Variants in OPCML observed in about 807,000 individuals in gnomAD.
The protein encoded by OPCML is opioid-binding protein/cell adhesion molecule.
OPCML carries 13 observed loss-of-function variants against 37.8 expected under a neutral mutation model. That is an observed-to-expected ratio of 0.34 (90% confidence interval 0.22 to 0.55). The LOEUF (loss-of-function observed/expected upper bound fraction) is 0.55, where lower values mean the gene tolerates loss of function less well. Ranked by LOEUF, OPCML falls within the 20% of genes least tolerant of loss-of-function variation. OPCML has a pLI of 0.91. For synonymous variants in OPCML, 176 were observed against 168.8 expected, an observed-to-expected ratio of 1.04 and a Z score of -0.33; for missense variants, 341 against 435.6, an observed-to-expected ratio of 0.78 and a Z score of 1.93.
intron 3 of OPCML, among the ~76,000 whole-genome samples, chr11:132,634,772 T>C (rs1252566111): frequency 6.6e-6 from 1 of 152,132 alleles, no homozygotes; most frequent in Non-Finnish European, 1.5e-5. Context: ...GACCATAAGT[T>C]ATCACTTAGA....
At chr11:132,455,887 A>G (rs1038005450) in intron 4 of OPCML, among the ~76,000 whole-genome samples, 2 of 152,218 alleles carry the variant, frequency 1.3e-5, no homozygotes, top group Non-Finnish European at 2.9e-5. Flanking sequence ...ATCAGATGAC[A>G]TAACAGATGA....
chr11:133,373,244 A>G (rs940309104), intron 1 of OPCML, among the ~76,000 whole-genome samples: 1 of 151,606 alleles, frequency 6.6e-6, no homozygotes, highest in African/African-American at 2.4e-5. Flanking sequence ...AAAAAACTTT[A>G]ACAAAAGTTC....
chr11:132,652,596 A>G (rs1020614656), intron 3 of OPCML, among the ~76,000 whole-genome samples: 3 of 152,190 alleles, frequency 2.0e-5, no homozygotes, highest in East Asian at 3.9e-4. Flanking sequence ...TTGTAAATGG[A>G]GATAACGGTC....
At chr11:132,851,164 T>A (rs994356062) in intron 2 of OPCML, among the ~76,000 whole-genome samples, 3 of 152,260 alleles carry the variant, frequency 2.0e-5, no homozygotes, top group African/African-American at 7.2e-5. Context: ...TATTTTTATA[T>A]CCTATTATAC....
chr11:132,781,477 G>A (rs185654664), intron 2 of OPCML, among the ~76,000 whole-genome samples: 24 of 152,024 alleles, frequency 1.6e-4, no homozygotes, highest in African/African-American at 1.9e-4. Flanking sequence ...TGGGCTCTTC[G>A]GGGTCTGCAG....
rs146632807 is a variant in OPCML, at chr11:133,515,392, T to C, written c.61+16872A>G. Among the ~76,000 whole-genome samples, 28 of 152,332 alleles carry C rather than the reference T, an allele frequency of 1.8e-4. No individual in the cohort carries two copies. The East Asian group carries it at 2.9e-3, about 16-fold the overall frequency. ...GCTGTCACAGCTCAAAAGGTGCCAC[T>C]GGCATCTGGTGGCTGGAGGCCAGGG... On this transcript the variant is annotated intron_variant, in intron 1 of 7. Coordinates refer to ENST00000524381, the MANE Select transcript of OPCML (RefSeq NM_001012393.5).
chr11:133,113,142 C>G (rs985629), intron 1 of OPCML, among the ~76,000 whole-genome samples: 93,957 of 152,090 alleles, frequency 0.62, 29,834 homozygotes, highest in East Asian at 0.8. Context: ...TGCAAAAAAG[C>G]CATCCTTTAT....
intron 2 of OPCML, among the ~76,000 whole-genome samples, chr11:132,855,727 C>T (rs1942028589): frequency 6.6e-6 from 1 of 152,184 alleles, no homozygotes; most frequent in African/African-American, 2.4e-5. Flanking sequence ...TGAGGCAGAA[C>T]CACCAACCTA....
chr11:133,290,820 G>A (rs1394122059), intron 1 of OPCML, among the ~76,000 whole-genome samples: 3 of 152,240 alleles, frequency 2.0e-5, no homozygotes, highest in African/African-American at 7.2e-5. Flanking sequence ...AGAATGCCTT[G>A]TCTGGAATCT....
At chr11:133,384,309 A>T (rs1034415511) in intron 1 of OPCML, among the ~76,000 whole-genome samples, 1 of 151,000 alleles carries the variant, frequency 6.6e-6, no homozygotes, top group South Asian at 2.1e-4. Context: ...CCCAGGACTG[A>T]TTTATCACCT....
chr11:133,422,422 C>T (rs1225856014), intron 1 of OPCML: 1 of 945,948 alleles, frequency 1.1e-6, no homozygotes, highest in Non-Finnish European at 1.2e-6. Context: ...CAAACCCTTG[C>T]CCCACCTCTC....
intron 1 of OPCML, among the ~76,000 whole-genome samples, chr11:133,392,116 CT>C (rs1295779957): frequency 6.6e-6 from 1 of 152,154 alleles, no homozygotes. Context: ...TTAATGCTTA[CT>C]GAGTGTTTAC....
At chr11:132,576,597 T>C (rs1172362137) in intron 3 of OPCML, among the ~76,000 whole-genome samples, 2 of 152,182 alleles carry the variant, frequency 1.3e-5, no homozygotes, top group Non-Finnish European at 2.9e-5. Flanking sequence ...AGGTAAATTA[T>C]GTAACTCTAT....
intron 3 of OPCML, among the ~76,000 whole-genome samples, chr11:132,589,297 C>T (rs2096480137): frequency 6.6e-6 from 1 of 152,108 alleles, no homozygotes; most frequent in Non-Finnish European, 1.5e-5. Flanking sequence ...TGGTATTTGC[C>T]TACAGTTTCC....
intron 2 of OPCML, among the ~76,000 whole-genome samples, chr11:132,906,750 G>C (rs927248002): frequency 2.6e-5 from 4 of 152,190 alleles, no homozygotes; most frequent in African/African-American, 9.7e-5. Context: ...TTCCAGAAAG[G>C]AACAGGCTGC....
chr11:133,309,425 C>A (rs1943015293), intron 1 of OPCML, among the ~76,000 whole-genome samples: 1 of 152,174 alleles, frequency 6.6e-6, no homozygotes, highest in Non-Finnish European at 1.5e-5. Flanking sequence ...AACCAGTACT[C>A]TGAAAGTGTC....
intron 1 of OPCML, among the ~76,000 whole-genome samples, chr11:133,040,963 C>G (rs1947881717): frequency 6.6e-6 from 1 of 152,094 alleles, no homozygotes; most frequent in African/African-American, 2.4e-5. Flanking sequence ...TAGAGATCAG[C>G]AGGGAAGGAA....
At chr11:132,480,665 G>C (rs1175428224) in intron 4 of OPCML, among the ~76,000 whole-genome samples, 1 of 152,142 alleles carries the variant, frequency 6.6e-6, no homozygotes, top group Non-Finnish European at 1.5e-5. Flanking sequence ...ACTAACAGCG[G>C]ATCTCTTGGC....
intron 1 of OPCML, among the ~76,000 whole-genome samples, chr11:133,053,144 G>T (rs971470666): frequency 6.6e-6 from 1 of 152,294 alleles, no homozygotes; most frequent in African/African-American, 2.4e-5. Flanking sequence ...TCATTCACCA[G>T]ATTTGGGACC....
Sources: gnomAD v4.1 joint callset for allele counts (sites outside exome capture counted in the v4.1 genomes callset) on GRCh38, gnomAD v4.1.1 for gene constraint, MANE v1.5 for transcripts, NCBI Gene and HGNC (gene_info 2026-07-23, HGNC 2026-07-21) for gene names.